Variants in MLLT1 observed in about 807,000 individuals in gnomAD.
MLLT1 encodes protein ENL.
A neutral mutation model predicts 55.1 loss-of-function variants in MLLT1; 11 were observed. The ratio of observed to expected loss-of-function variants is 0.20; its 90% CI spans 0.13 to 0.33. The LOEUF is 0.33. Ranked by LOEUF, MLLT1 falls within the 10% of genes least tolerant of loss-of-function variation. MLLT1 has a pLI of 1.00. For missense variants in MLLT1, 536 were observed against 760.6 expected, an observed-to-expected ratio of 0.70 and a Z score of 3.47; for synonymous variants, 323 against 320.1, an observed-to-expected ratio of 1.01 and a Z score of -0.10.
Position 6,273,424 on chromosome 19 carries a change from T to C in MLLT1, c.13-2665A>G, listed in dbSNP as rs2091409723. 6.6e-6 allele frequency among the ~76,000 whole-genome samples: 1 copy of C among 152,024 alleles called. No individual in the cohort carries two copies. The highest frequency in any genetic ancestry group is 1.5e-5 in the Non-Finnish European group (1 of 67,990). ...ATGGACGGAAGATCAGGCGCACTCATAAACCCCCGGCGCTGCGGATTCATG... is the reference window on the plus strand; with the variant it reads ...ATGGACGGAAGATCAGGCGCACTCACAAACCCCCGGCGCTGCGGATTCATG... On this transcript the variant is annotated intron_variant, in intron 1 of 11. Transcript: ENST00000252674. The surrounding 1 kb of genome is among the most constrained non-coding windows in gnomAD (Gnocchi z 4.3).
In MLLT1 at chr19:6,226,668, G is replaced by C. The variant is rs867025786; in HGVS notation, c.546+309C>G. On this transcript the variant is annotated intron_variant, in intron 5 of 11. Coordinates refer to ENST00000252674, the MANE Select transcript of MLLT1 (RefSeq NM_005934.4). This position sits in a 1 kb window ranked among gnomAD's most constrained non-coding sequence, Gnocchi z 6.3. ...AGCGGCCGCCCCAACAGCCTTCGGC[G>C]AAGGTCTCAGGGCTTCAGGCCGAGC... Among the ~76,000 whole-genome samples, 1 of 152,158 alleles carries C rather than the reference G, an allele frequency of 6.6e-6. No homozygotes were observed. The highest frequency in any genetic ancestry group is 2.4e-5 in the African/African-American group (1 of 41,466).
At chr19:6,267,456 A>G (rs1283005133) in intron 2 of MLLT1, among the ~76,000 whole-genome samples, 3 of 152,122 alleles carry the variant, frequency 2.0e-5, no homozygotes, top group Admixed American at 6.6e-5. Flanking sequence ...GAATGGGGGG[A>G]AAATGAAGGT....
intron 3 of MLLT1, among the ~76,000 whole-genome samples, chr19:6,232,919 G>T (rs1010109279): frequency 1.3e-5 from 2 of 152,188 alleles, no homozygotes; most frequent in South Asian, 4.1e-4. Flanking sequence ...GAGGATGGGC[G>T]TCCCGTGAAG....
intron 5 of MLLT1, among the ~76,000 whole-genome samples, chr19:6,224,606 G>A (rs1431006818): frequency 6.6e-6 from 1 of 152,250 alleles, no homozygotes; most frequent in Non-Finnish European, 1.5e-5. Flanking sequence ...CCCTGGCCTG[G>A]AGTCAGCTGA....
In MLLT1 at chr19:6,270,869, T is replaced by A; in HGVS notation, c.13-110A>T. On this transcript the variant is annotated intron_variant, in intron 1 of 11. Transcript: ENST00000252674. This position sits in a 1 kb window ranked among gnomAD's most constrained non-coding sequence, Gnocchi z 7.1. Reference sequence around the variant, plus strand: ...AAAGACCCCCAGCAGTGCAATACGCTCTCAACCCAGTGAGCAGCACACAGA... The same window carrying A: ...AAAGACCCCCAGCAGTGCAATACGCACTCAACCCAGTGAGCAGCACACAGA... 9.5e-7 allele frequency: 1 copy of A among 1,048,814 alleles called. No homozygotes were observed. The highest frequency in any genetic ancestry group is 1.3e-6 in the Non-Finnish European group (1 of 741,344). 65.0% of individuals were successfully genotyped at this position (1,048,814 alleles called of 1,614,324 possible). A position where few individuals can be genotyped will look rare whatever the true frequency, so the allele number is the denominator to read the frequency against.
chr19:6,234,006 T>G (rs1182327711), intron 3 of MLLT1, among the ~76,000 whole-genome samples: 1 of 148,530 alleles, frequency 6.7e-6, no homozygotes. Flanking sequence ...GCCAACTGAG[T>G]GAGATGCTAG....
rs2090984987 is a variant in MLLT1 at position 6,229,424 on chromosome 19, G to T, written c.420+1146C>A. 6.6e-6 allele frequency among the ~76,000 whole-genome samples: 1 copy of T among 151,900 alleles called. No individual in the cohort carries two copies. The highest frequency in any genetic ancestry group is 1.5e-5 in the Non-Finnish European group (1 of 67,948). On this transcript the variant is annotated intron_variant, in intron 4 of 11. Transcript: ENST00000252674. This position sits in a 1 kb window ranked among gnomAD's most constrained non-coding sequence, Gnocchi z 5.2. ...GGACCTGACCATGCCCCATGAGGAG[G>T]AAGGAGGACTCCCCAGCCTGACACC...
intron 3 of MLLT1, among the ~76,000 whole-genome samples, chr19:6,232,471 C>T (rs1054263910): frequency 1.3e-5 from 2 of 152,346 alleles, no homozygotes; most frequent in East Asian, 1.9e-4. Flanking sequence ...TAAGCACTAA[C>T]GCCACATAGC....
chr19:6,254,306 G>C (rs74754470), intron 3 of MLLT1, among the ~76,000 whole-genome samples: 3,886 of 152,310 alleles, frequency 0.026, 151 homozygotes, highest in East Asian at 0.14. Context: ...TTCCCACATA[G>C]CCTGCCCCAT....
intron 2 of MLLT1, among the ~76,000 whole-genome samples, chr19:6,266,200 C>T (rs1027637599): frequency 1.3e-5 from 2 of 150,562 alleles, no homozygotes; most frequent in African/African-American, 4.9e-5. Flanking sequence ...CTGCTTCAGC[C>T]CAAAGGTCAA....
intron 5 of MLLT1, among the ~76,000 whole-genome samples, chr19:6,223,252 C>T (rs1466364230): frequency 3.9e-5 from 6 of 152,226 alleles, no homozygotes; most frequent in African/African-American, 7.2e-5. Flanking sequence ...GGCCTGGCTT[C>T]GGGAAGCCAA....
Position 6,251,481 on chromosome 19 carries a change from G to A in MLLT1, c.276+10747C>T, listed in dbSNP as rs115946886. 7.9e-3 allele frequency among the ~76,000 whole-genome samples: 1,209 copies of A among 152,202 alleles called. 18 individuals carry two copies. Among genetic ancestry groups the A allele is most frequent in the African/African-American group, 0.027 (1,131 of 41,516 alleles). The stretch of plus-strand genomic sequence containing the variant: ...GAGCCCTGGTCCTGAGCTTACTTTC[G>A]GGTGGTAGAGACACACAGACAAGTA... On this transcript the variant is annotated intron_variant, in intron 3 of 11. Transcript: ENST00000252674.
At chr19:6,265,048 A>AAAAAAAAAAAAAAAAAAAAAAAAG (rs2091336695) in intron 2 of MLLT1, among the ~76,000 whole-genome samples, 1 of 72,226 alleles carries the variant, frequency 1.4e-5, no homozygotes, top group Non-Finnish European at 2.8e-5. Context: ...CAAAAAAAAA[A>AAAAAAAAAAAAAAAAAAAAAAAAG]CAAAAAAACA....
intron 3 of MLLT1, among the ~76,000 whole-genome samples, chr19:6,245,689 C>T (rs142627992): frequency 0.034 from 5,104 of 151,552 alleles, 92 homozygotes; most frequent in Middle Eastern, 0.079. Flanking sequence ...CCAGCCTCGG[C>T]GACAGAGCGA....
intron 6 of MLLT1, among the ~76,000 whole-genome samples, chr19:6,221,809 T>C (rs975514419): frequency 8.5e-5 from 13 of 152,198 alleles, no homozygotes; most frequent in African/African-American, 3.1e-4. Flanking sequence ...CCCGGGCCCA[T>C]GCAGGGGGCT....
intron 3 of MLLT1, among the ~76,000 whole-genome samples, chr19:6,234,589 C>T (rs963899149): frequency 6.6e-6 from 1 of 152,216 alleles, no homozygotes; most frequent in Non-Finnish European, 1.5e-5. Flanking sequence ...TAGCACCTCA[C>T]CATCCACTTG....
chr19:6,267,552 A>G (rs2091358653), intron 2 of MLLT1, among the ~76,000 whole-genome samples: 1 of 152,188 alleles, frequency 6.6e-6, no homozygotes, highest in South Asian at 2.1e-4. Context: ...AAATAGGGCC[A>G]AATTTTAACC....
intron 3 of MLLT1, among the ~76,000 whole-genome samples, chr19:6,241,836 C>T (rs1012000946): frequency 5.9e-5 from 9 of 152,376 alleles, no homozygotes; most frequent in Admixed American, 6.5e-5. Flanking sequence ...CTCGGCCCTG[C>T]CCTGGGTCCC....
chr19:6,214,084 GCCCCCACCCCA>G, intron 8 of MLLT1, 46 bp from the exon 9 acceptor site: 1 of 1,229,650 alleles, frequency 8.1e-7, no homozygotes, highest in Non-Finnish European at 1.1e-6. Context: ...CGCCACCACG[GCCCCCACCCCA>G]CCCCCAGGCT....
Sources: gnomAD v4.1 joint callset for allele counts (sites outside exome capture counted in the v4.1 genomes callset) on GRCh38, gnomAD v4.1.1 for gene constraint, Gnocchi (gnomAD v3.1) non-coding constraint, MANE v1.5 for transcripts, NCBI Gene and HGNC (gene_info 2026-07-23, HGNC 2026-07-21) for gene names.